TMCO4: variants seen among roughly 807,000 people sequenced by gnomAD.
TMCO4 encodes transmembrane and coiled-coil domains 4.
In TMCO4, 58 loss-of-function variants were observed where a neutral mutation model predicts 64.7. That is an observed-to-expected ratio of 0.90 (90% CI 0.73 to 1.12). The LOEUF (loss-of-function observed/expected upper bound fraction) is 1.12. Among genes scored for constraint, TMCO4 ranks in the 50% most tolerant of loss-of-function variants. The pLI, the probability that TMCO4 is intolerant of heterozygous loss-of-function variation, is 0.00. For synonymous variants in TMCO4, 325 were observed against 346.1 expected (o/e 0.94, Z 0.68); for missense variants, 780 against 825.9 (o/e 0.94, Z 0.68).
intron 13 of TMCO4, among the ~76,000 whole-genome samples, chr1:19,720,798 A>G (rs544013083): frequency 3.9e-5 from 6 of 152,298 alleles, no homozygotes; most frequent in Middle Eastern, 3.4e-3. Context: ...AGGGTCTGTC[A>G]TTAAATCACA....
rs527448848 is a variant in TMCO4 at position 19,689,923 on chromosome 1, C to G, written c.1500+4511G>C. 2.0e-5 allele frequency among the ~76,000 whole-genome samples: 3 copies of G among 152,354 alleles called. No homozygotes were observed. In the South Asian group the frequency reaches 6.2e-4, roughly 32 times the overall value. On this transcript the variant is annotated intron_variant, in intron 15 of 15. Coordinates refer to ENST00000294543, the MANE Select transcript of TMCO4 (RefSeq NM_181719.7). The stretch of plus-strand genomic sequence containing the variant: ...CAGACGGGGTGGGTCCCTGGTGAAA[C>G]CCCACCTTCAAGCCAAAAAAACAGC...
At chr1:19,762,832 C>G (rs1335536047) in intron 6 of TMCO4, among the ~76,000 whole-genome samples, 1 of 152,178 alleles carries the variant, frequency 6.6e-6, no homozygotes, top group Non-Finnish European at 1.5e-5. Flanking sequence ...TCGGGGCTGA[C>G]CTCGTACCTG....
chr1:19,702,830 C>A (rs1050826282), intron 13 of TMCO4, among the ~76,000 whole-genome samples: 6 of 62,282 alleles, frequency 9.6e-5, no homozygotes, highest in African/African-American at 2.9e-4. Flanking sequence ...AATAGAGAAG[C>A]CAACATGTCT....
chr1:19,694,176 A>T (rs1054461642), intron 15 of TMCO4, among the ~76,000 whole-genome samples: 12 of 152,156 alleles, frequency 7.9e-5, no homozygotes, highest in Middle Eastern at 3.4e-3. Flanking sequence ...TAATTTAAAA[A>T]TTTTTTATAG....
intron 14 of TMCO4, among the ~76,000 whole-genome samples, chr1:19,699,195 C>CA (rs138882998): frequency 1.5e-3 from 171 of 116,296 alleles, no homozygotes; most frequent in African/African-American, 3.0e-3. Context: ...GACTCCGTTT[C>CA]AAAAAAAAAA....
intron 13 of TMCO4, 138 bp from the exon 14 acceptor site, chr1:19,701,023 T>G (rs2095268746): frequency 1.5e-6 from 1 of 689,450 alleles, no homozygotes; most frequent in Admixed American, 2.6e-5. Context: ...CATGTGCAAA[T>G]GTGCATGTAC....
chr1:19,691,372 T>C (rs2095193578), intron 15 of TMCO4, among the ~76,000 whole-genome samples: 1 of 152,214 alleles, frequency 6.6e-6, no homozygotes, highest in African/African-American at 2.4e-5. Flanking sequence ...CCCAGCGACC[T>C]GGTGTCAGGC....
At chr1:19,691,929 T>C (rs2095198267) in intron 15 of TMCO4, among the ~76,000 whole-genome samples, 1 of 152,190 alleles carries the variant, frequency 6.6e-6, no homozygotes, top group African/African-American at 2.4e-5. Flanking sequence ...AGAAACCCCT[T>C]TCACTTGGTT....
Position 19,683,338 on chromosome 1 carries a change from C to G in TMCO4, c.1607G>C (p.Gly536Ala), listed in dbSNP as rs1166080697. 6.2e-7 allele frequency: 1 copy of G among 1,613,964 alleles called. No homozygotes were observed. The highest frequency in any genetic ancestry group is 8.5e-7 in the Non-Finnish European group (1 of 1,179,938). ...WDEKGLLLAP[G>A]CLPSEEPRQA... ...GCGAGGCTCCTCGGAGGGCAGGCAG[C>G]CTGGGGCCAGCAAGAGCCCCTTCTC... is the stretch of plus-strand genomic sequence containing the variant. The change falls in exon 16 of 16, where the codon GGC (glycine) becomes GCC (alanine). Residue 536 changes from glycine to alanine, a missense_variant. Physicochemically the swap from Gly to Ala is moderately conservative, Grantham distance 60. Coordinates refer to ENST00000294543, the MANE Select transcript of TMCO4 (RefSeq NM_181719.7).
chr1:19,777,938 G>A (rs2043285089), intron 4 of TMCO4, among the ~76,000 whole-genome samples: 1 of 152,156 alleles, frequency 6.6e-6, no homozygotes, highest in Admixed American at 6.5e-5. Flanking sequence ...TCAGAAGGCT[G>A]GGGTGGGGGA....
intron 3 of TMCO4, among the ~76,000 whole-genome samples, chr1:19,784,947 A>G (rs4655161): frequency 0.9 from 137,010 of 152,226 alleles, 61,760 homozygotes; most frequent in African/African-American, 0.93. Flanking sequence ...GTCCTGGGCT[A>G]TATGTGGCCC....
chr1:19,777,288 G>C (rs2043252621), intron 4 of TMCO4, among the ~76,000 whole-genome samples: 1 of 151,398 alleles, frequency 6.6e-6, no homozygotes, highest in African/African-American at 2.4e-5. Context: ...AGCTGCAGCA[G>C]CTATTTTGTG....
intron 3 of TMCO4, among the ~76,000 whole-genome samples, chr1:19,781,144 CAAAAAAAAA>C (rs535767635): frequency 6.1e-4 from 32 of 52,614 alleles, no homozygotes; most frequent in African/African-American, 2.1e-3. Context: ...GACTCCATCT[CAAAAAAAAA>C]AAAAAAAAAA....
chr1:19,737,798 T>C (rs536271990), intron 12 of TMCO4, among the ~76,000 whole-genome samples: 2 of 152,390 alleles, frequency 1.3e-5, no homozygotes, highest in Admixed American at 1.3e-4. Context: ...TCCCTTGCAC[T>C]GATCTGCCTT....
chr1:19,785,156 T>G (rs901055253), intron 3 of TMCO4, among the ~76,000 whole-genome samples: 4 of 151,414 alleles, frequency 2.6e-5, no homozygotes, highest in Admixed American at 6.6e-5. Flanking sequence ...TCACATCATC[T>G]GGCCTCAGCC....
intron 15 of TMCO4, among the ~76,000 whole-genome samples, chr1:19,689,458 A>C (rs1347226706): frequency 4.6e-5 from 7 of 152,166 alleles, no homozygotes; most frequent in Admixed American, 3.9e-4. Flanking sequence ...AGGGCCTACT[A>C]TGCACCAAGC....
Position 19,772,677 on chromosome 1 carries a change from G to C in TMCO4, c.180-1195C>G, listed in dbSNP as rs576213757. ...GAAGCCAGGTCTGTCTCCAAAATCA[G>C]AGTCCCAGCCTGCCTCAAACCACAT... On this transcript the variant is annotated intron_variant, in intron 4 of 15. Transcript: ENST00000294543. 1.4e-4 allele frequency among the ~76,000 whole-genome samples: 22 copies of C among 152,274 alleles called. 1 individual carries two copies. Among genetic ancestry groups the C allele is most frequent in the African/African-American group, 5.3e-4 (22 of 41,544 alleles).
intron 13 of TMCO4, among the ~76,000 whole-genome samples, chr1:19,702,030 C>CCCCTCCAGATTTCAT (rs2095275700): frequency 6.6e-6 from 1 of 152,032 alleles, no homozygotes; most frequent in African/African-American, 2.4e-5. Context: ...AGTGCAGTGG[C>CCCCTCCAGATTTCAT]GCAATCTCGG....
chr1:19,780,423 G>A (rs1357424791), intron 4 of TMCO4, among the ~76,000 whole-genome samples, 157 bp downstream of exon 4: 1 of 152,190 alleles, frequency 6.6e-6, no homozygotes, highest in Non-Finnish European at 1.5e-5. Flanking sequence ...ACCAGTACTG[G>A]TCCACGGCCT....
Sources: allele counts gnomAD v4.1 joint callset (sites outside exome capture counted in the v4.1 genomes callset), GRCh38; gene constraint gnomAD v4.1.1; transcripts MANE v1.5; gene names NCBI Gene and HGNC (gene_info 2026-07-23, HGNC 2026-07-21).